Variants in TLR4 observed in about 807,000 individuals in gnomAD.
TLR4 encodes toll like receptor 4, also known as toll-like receptor 4.
A neutral mutation model predicts 27.4 loss-of-function variants in TLR4; 17 were observed. The observed-to-expected ratio is 0.62, with a 90% CI of 0.42 to 0.93. TLR4 has a LOEUF of 0.93. TLR4 is among the 40% of genes least tolerant of loss of function. The probability of loss-of-function intolerance (pLI) is 0.00; values close to 1 mark genes in which losing one functional copy is unlikely to be tolerated. For synonymous variants in TLR4, 363 were observed against 365.7 expected, an observed-to-expected ratio of 0.99 and a Z score of 0.08; for missense variants, 926 against 962.3, an observed-to-expected ratio of 0.96 and a Z score of 0.50.
In TLR4 at chr9:117,718,779, G is replaced by A. The variant is rs1829388958; in HGVS notation, c.*4131G>A. ...GAGTACTCCCCTAAGACTTTATTAA[G>A]AGGGCACTAGGAGAAGCACTGGGAG... On this transcript the variant is annotated 3_prime_UTR_variant, in exon 3 of 3. Coordinates refer to ENST00000355622, the MANE Select transcript of TLR4 (RefSeq NM_138554.5). 1 of 152,152 alleles carries A rather than the reference G, an allele frequency of 6.6e-6. No individual in the cohort carries two copies. Among genetic ancestry groups the A allele is most frequent in the Non-Finnish European group, 1.5e-5 (1 of 68,016 alleles). 9.4% of individuals were successfully genotyped at this position (152,152 alleles called of 1,614,324 possible). A position where few individuals can be genotyped will look rare whatever the true frequency, so the allele number is the denominator to read the frequency against.
At chr9:117,712,009 A>G (rs1829239349) in intron 2 of TLR4, among the ~76,000 whole-genome samples, 1 of 152,250 alleles carries the variant, frequency 6.6e-6, no homozygotes, top group Non-Finnish European at 1.5e-5. Context: ...AATCAGATGT[A>G]TAATCACAAT....
At chr9:117,712,319 G>C in intron 2 of TLR4, 70 bp from the exon 3 acceptor site, 1 of 1,438,266 alleles carries the variant, frequency 7.0e-7, no homozygotes, top group Non-Finnish European at 9.6e-7. Context: ...GGATGACTAG[G>C]ATTAATATTC....
rs199825908 is a variant in TLR4, at chr9:117,716,667, A to C, written c.*2019A>C. 2 of 152,188 alleles carry C rather than the reference A, an allele frequency of 1.3e-5. No individual in the cohort carries two copies. The highest frequency in any genetic ancestry group is 2.9e-5 in the Non-Finnish European group (2 of 68,022). The allele number at this position is 152,188 out of a possible 1,614,324, so 9.4% of individuals were successfully genotyped here. On this transcript the variant is annotated 3_prime_UTR_variant, in exon 3 of 3. Coordinates refer to ENST00000355622, the MANE Select transcript of TLR4 (RefSeq NM_138554.5). Reference sequence around the variant, plus strand: ...CTGTATAGCAGAGTTCGTATAATGAACAATACTGTATTATGCACTTAACAT... The same window carrying C: ...CTGTATAGCAGAGTTCGTATAATGACCAATACTGTATTATGCACTTAACAT...
Position 117,714,857 on chromosome 9 carries a change from TG to T in TLR4, c.*212del. ...AGACTAAAATACAGAGTCTTCCAGG[TG>T]GGCATTTCAACCAACTCAGTCAAGG... On this transcript the variant is annotated 3_prime_UTR_variant, in exon 3 of 3. Coordinates refer to ENST00000355622, the MANE Select transcript of TLR4 (RefSeq NM_138554.5). The T allele has an allele frequency of 5.0e-6, 3 of 595,410 alleles. No homozygotes were observed. The East Asian group carries it at 8.5e-5, about 17-fold the overall frequency. The allele number at this position is 595,410 out of a possible 1,614,324, so 36.9% of individuals were successfully genotyped here. A position where few individuals can be genotyped will look rare whatever the true frequency, so the allele number is the denominator to read the frequency against.
rs903512678 is a variant in TLR4 at position 117,716,476 on chromosome 9, C to G, written c.*1828C>G. 2.6e-5 allele frequency: 4 copies of G among 152,152 alleles called. No homozygotes were observed. Among genetic ancestry groups the G allele is most frequent in the African/African-American group, 9.7e-5 (4 of 41,436 alleles). 9.4% of individuals were successfully genotyped at this position (152,152 alleles called of 1,614,324 possible). ...TGAGCAAGTAACAGAAAGACAAATA[C>G]TGCCTGATTTCATTTATATGAGGTT... On this transcript the variant is annotated 3_prime_UTR_variant, in exon 3 of 3. Transcript: ENST00000355622.
chr9:117,713,405 A>G lies in TLR4; in HGVS notation c.1277A>G (p.His426Arg). ...TTCTTGGGCTTAGAACAACTAGAAC[A>G]TCTGGATTTCCAGCATTCCAATTTG... ...SNFLGLEQLE[H>R]LDFQHSNLKQ... Residue 426 changes from histidine (H) to arginine (R), a missense_variant, in exon 3 of 3, where the codon CAT becomes CGT. Coordinates refer to ENST00000355622, the MANE Select transcript of TLR4 (RefSeq NM_138554.5). The G allele has an allele frequency of 1.2e-6, 2 of 1,614,056 alleles. No homozygotes were observed. Among genetic ancestry groups the G allele is most frequent in the South Asian group, 2.2e-5 (2 of 91,084 alleles).
In TLR4 at chr9:117,713,787, C is replaced by T; in HGVS notation, c.1659C>T (p.Leu553=). ...LNSLQVLDYS[L]NHIMTSKKQE... is the part of the protein sequence containing the mutation. The stretch of plus-strand genomic sequence containing the variant: ...CCCTCCAGGTTCTTGATTACAGTCT[C>T]AATCACATAATGACTTCCAAAAAAC... Residue 553 remains leucine (L), a synonymous_variant, in exon 3 of 3, where the codon CTC becomes CTT. Coordinates refer to ENST00000355622, the MANE Select transcript of TLR4 (RefSeq NM_138554.5). 1 of 1,613,964 alleles carries T rather than the reference C, an allele frequency of 6.2e-7. No homozygotes were observed. Among genetic ancestry groups the T allele is most frequent in the Non-Finnish European group, 8.5e-7 (1 of 1,180,002 alleles).
rs1368319586 is a variant in TLR4 at position 117,721,021 on chromosome 9, TCTCTA to T, written c.*6378_*6382del. 1 of 152,196 alleles carries T rather than the reference TCTCTA, an allele frequency of 6.6e-6. No individual in the cohort carries two copies. Among genetic ancestry groups the T allele is most frequent in the African/African-American group, 2.4e-5 (1 of 41,460 alleles). 9.4% of individuals were successfully genotyped at this position (152,196 alleles called of 1,614,324 possible). On this transcript the variant is annotated 3_prime_UTR_variant, in exon 3 of 3. Coordinates refer to ENST00000355622, the MANE Select transcript of TLR4 (RefSeq NM_138554.5). ...TATTTAAAAAAAAGACAACTTCATG[TCTCTA>T]CTCTGACTTCATTCTTTTTAAGATG...
In TLR4 at chr9:117,720,605, A is replaced by C. The variant is rs1467729083; in HGVS notation, c.*5957A>C. The C allele has an allele frequency of 6.6e-6, 1 of 152,212 alleles. No individual in the cohort carries two copies. The highest frequency in any genetic ancestry group is 1.5e-5 in the Non-Finnish European group (1 of 68,032). The allele number at this position is 152,212 out of a possible 1,614,324, so 9.4% of individuals were successfully genotyped here. A position where few individuals can be genotyped will look rare whatever the true frequency, so the allele number is the denominator to read the frequency against. ...TGTTTATGAGAGAAGTGTTTTGTTGAAAATTAAACTCACGTTTAGGAGAAA... is the reference window on the plus strand; with the variant it reads ...TGTTTATGAGAGAAGTGTTTTGTTGCAAATTAAACTCACGTTTAGGAGAAA... On this transcript the variant is annotated 3_prime_UTR_variant, in exon 3 of 3. Transcript: ENST00000355622.
intron 1 of TLR4, 140 bp downstream of exon 1, chr9:117,704,705 A>G (rs1564262104): frequency 1.2e-6 from 1 of 801,810 alleles, no homozygotes; most frequent in Non-Finnish European, 2.1e-6. Context: ...ACAGAGATCA[A>G]ATAATTCATT....
chr9:117,708,276 G>A (rs956522622), intron 1 of TLR4: 18 of 1,193,614 alleles, frequency 1.5e-5, no homozygotes, highest in South Asian at 1.2e-4. Context: ...CCTTCACCCC[G>A]ATTCCATTGC....
In TLR4 at chr9:117,715,740, C is replaced by A. The variant is rs201514045; in HGVS notation, c.*1092C>A. The A allele has an allele frequency of 6.6e-6, 1 of 152,156 alleles. No homozygotes were observed. The highest frequency in any genetic ancestry group is 2.1e-4 in the South Asian group (1 of 4,832). The allele number at this position is 152,156 out of a possible 1,614,324, so 9.4% of individuals were successfully genotyped here. A position where few individuals can be genotyped will look rare whatever the true frequency, so the allele number is the denominator to read the frequency against. On this transcript the variant is annotated 3_prime_UTR_variant, in exon 3 of 3. Transcript: ENST00000355622. Reference sequence around the variant, plus strand: ...TTAGGGAGACACAGATGGCTGGGATCCCTCCCCTGTACCCTTCTCACTGCC... The same window carrying A: ...TTAGGGAGACACAGATGGCTGGGATACCTCCCCTGTACCCTTCTCACTGCC...
rs527608877 is a variant in TLR4 at position 117,720,409 on chromosome 9, A to G, written c.*5761A>G. The G allele has an allele frequency of 3.9e-5, 6 of 152,332 alleles. No individual in the cohort carries two copies. In the South Asian group the frequency reaches 1.0e-3, roughly 26 times the overall value. The allele number at this position is 152,332 out of a possible 1,614,324, so 9.4% of individuals were successfully genotyped here. A position where few individuals can be genotyped will look rare whatever the true frequency, so the allele number is the denominator to read the frequency against. Reference sequence around the variant, plus strand: ...GCAACTCTCCTTGATTTCTACAGAAATAAAGATGATCCCTCCTGTGACAGT... The same window carrying G: ...GCAACTCTCCTTGATTTCTACAGAAGTAAAGATGATCCCTCCTGTGACAGT... On this transcript the variant is annotated 3_prime_UTR_variant, in exon 3 of 3. Transcript: ENST00000355622.
At chr9:117,705,963 A>T (rs1056921113) in intron 1 of TLR4, among the ~76,000 whole-genome samples, 1 of 141,022 alleles carries the variant, frequency 7.1e-6, no homozygotes, top group African/African-American at 2.5e-5. Context: ...TAGCCTCATT[A>T]AAAAAAGAAA....
chr9:117,712,697 T>C lies in TLR4; in HGVS notation c.569T>C (p.Ile190Thr). Residue 190 changes from isoleucine (I) to threonine (T), a missense_variant, in exon 3 of 3, where the codon ATT (isoleucine) becomes ACT (threonine). Transcript: ENST00000355622. Reference protein sequence around the residue: ...LDLSSNKIQSIYCTDLRVLHQ... With the variant: ...LDLSSNKIQSTYCTDLRVLHQ... ...CTTTCCAGCAACAAGATTCAAAGTA[T>C]TTATTGCACAGACTTGCGGGTTCTA... The C allele has an allele frequency of 6.2e-7, 1 of 1,614,130 alleles. No homozygotes were observed. The highest frequency in any genetic ancestry group is 1.7e-5 in the Admixed American group (1 of 60,008).
intron 1 of TLR4, among the ~76,000 whole-genome samples, chr9:117,707,412 A>G (rs1003490763): frequency 7.2e-5 from 11 of 152,236 alleles, no homozygotes; most frequent in African/African-American, 2.4e-4. Context: ...ATGATAGATG[A>G]TAATAATTAA....
rs919659638 is a variant in TLR4, at chr9:117,720,911, TCTC to T, written c.*6270_*6272del. The T allele has an allele frequency of 1.3e-5, 2 of 151,892 alleles. No individual in the cohort carries two copies. Among genetic ancestry groups the T allele is most frequent in the African/African-American group, 4.8e-5 (2 of 41,322 alleles). 9.4% of individuals were successfully genotyped at this position (151,892 alleles called of 1,614,324 possible). ...TCCCTTTGGACTCTGGGAGGTCTGTTCTCCTCCTCAGAAAGGAATAAACACTCT... is the reference window on the plus strand; with the variant it reads ...TCCCTTTGGACTCTGGGAGGTCTGTTCTCCTCAGAAAGGAATAAACACTCT... On this transcript the variant is annotated 3_prime_UTR_variant, in exon 3 of 3. Transcript: ENST00000355622.
In TLR4 at chr9:117,719,383, T is replaced by C. The variant is rs1829397003; in HGVS notation, c.*4735T>C. The C allele has an allele frequency of 6.6e-6, 1 of 152,160 alleles. No homozygotes were observed. The highest frequency in any genetic ancestry group is 2.4e-5 in the African/African-American group (1 of 41,422). The allele number at this position is 152,160 out of a possible 1,614,324, so 9.4% of individuals were successfully genotyped here. On this transcript the variant is annotated 3_prime_UTR_variant, in exon 3 of 3. Coordinates refer to ENST00000355622, the MANE Select transcript of TLR4 (RefSeq NM_138554.5). ...GGCAGCACTGAGATTAGGATCTAAG[T>C]CCACTTCACCGCAGAAGCAGGGCTT... is the stretch of plus-strand genomic sequence containing the variant.
intron 1 of TLR4, among the ~76,000 whole-genome samples, chr9:117,705,123 AGAG>A (rs1829115758): frequency 7.0e-6 from 1 of 143,340 alleles, no homozygotes; most frequent in African/African-American, 3.0e-5. Flanking sequence ...AAAAAGGAAA[AGAG>A]AGAGAGAGAG....
Sources: allele counts gnomAD v4.1 joint callset (sites outside exome capture counted in the v4.1 genomes callset), GRCh38; gene constraint gnomAD v4.1.1; transcripts MANE v1.5; gene names NCBI Gene and HGNC (gene_info 2026-07-23, HGNC 2026-07-21).